The following USP8 variants were observed in gnomAD, a reference collection of about 807,000 sequenced individuals.
The protein encoded by USP8 is ubiquitin specific peptidase 8.
USP8 carries 27 observed loss-of-function variants against 130.0 expected under a neutral mutation model. The observed-to-expected ratio is 0.21, with a 90% confidence interval of 0.15 to 0.29. USP8 has a LOEUF of 0.29. Ranked by LOEUF, USP8 falls within the 10% of genes least tolerant of loss-of-function variation. The pLI is 1.00. For missense variants in USP8, 1,029 were observed against 1,312.2 expected (o/e 0.78, Z 3.33); for synonymous variants, 392 against 444.1 (o/e 0.88, Z 1.48).
intron 16 of USP8, 58 bp from the exon 17 acceptor site, chr15:50,495,790 T>C: frequency 7.4e-7 from 1 of 1,360,210 alleles, no homozygotes; most frequent in Admixed American, 2.1e-5. Context: ...TTTTATTCTT[T>C]CAATTTAAAT....
At chr15:50,428,016 CCTGA>C (rs376823512) in intron 1 of USP8, among the ~76,000 whole-genome samples, 29 of 152,250 alleles carry the variant, frequency 1.9e-4, no homozygotes, top group African/African-American at 6.5e-4. Context: ...CGCCAGCACA[CCTGA>C]CTAATACCAT....
intron 3 of USP8, among the ~76,000 whole-genome samples, chr15:50,445,171 T>G (rs941592215): frequency 2.6e-5 from 4 of 152,172 alleles, no homozygotes; most frequent in Non-Finnish European, 5.9e-5. Flanking sequence ...TTTTTACCCT[T>G]TAGATGAGGT....
At chr15:50,482,197 C>CCTG in intron 11 of USP8, 132 bp downstream of exon 11, 2 of 770,094 alleles carry the variant, frequency 2.6e-6, no homozygotes. Flanking sequence ...ATGTACTGAT[C>CCTG]TATCCACATT....
chr15:50,457,051 A>G (rs1566855646), intron 4 of USP8, among the ~76,000 whole-genome samples: 2 of 152,212 alleles, frequency 1.3e-5, no homozygotes, highest in Admixed American at 6.5e-5. Flanking sequence ...TGCATGAATG[A>G]TCTTATTGAT....
At chr15:50,496,480 TAAAAAAA>T (rs35899607) in intron 17 of USP8, among the ~76,000 whole-genome samples, 3 of 116,502 alleles carry the variant, frequency 2.6e-5, no homozygotes, top group South Asian at 2.9e-4. Flanking sequence ...GACTCCGTCT[TAAAAAAA>T]AAAAAAAAAA....
intron 4 of USP8, among the ~76,000 whole-genome samples, chr15:50,449,817 C>G (rs112089161): frequency 0.15 from 21,587 of 148,732 alleles, 1,982 homozygotes; most frequent in Middle Eastern, 0.28. Context: ...TCCTGACCTT[C>G]TGATCCTCCT....
At chr15:50,467,417 G>T (rs2051229009) in intron 7 of USP8, among the ~76,000 whole-genome samples, 1 of 152,118 alleles carries the variant, frequency 6.6e-6, no homozygotes, top group African/African-American at 2.4e-5. Flanking sequence ...TTAGTTTAAA[G>T]GAGTTTCAGT....
At position 50,500,749 on chromosome 15, in the gene USP8, C is replaced by A. The variant is rs778812970; in HGVS notation, c.*1661C>A. ...AGAAGTATCTGGAATCTCACTGACT[C>A]GTGTGTTATCAAAGCTATATCAGGC... On this transcript the variant is annotated 3_prime_UTR_variant, in exon 20 of 20. Coordinates refer to ENST00000307179, the MANE Select transcript of USP8 (RefSeq NM_005154.5). 1 of 1,574,662 alleles carries A rather than the reference C, an allele frequency of 6.4e-7. No individual in the cohort carries two copies. The highest frequency in any genetic ancestry group is 8.6e-7 in the Non-Finnish European group (1 of 1,158,778).
At position 50,466,927 on chromosome 15, in the gene USP8, T is replaced by C. The variant is rs140221021; in HGVS notation, c.686+1736T>C. 43 of 422,758 alleles carry C rather than the reference T, an allele frequency of 1.0e-4. No individual in the cohort carries two copies. The East Asian group carries it at 2.3e-3, about 22-fold the overall frequency. The allele number at this position is 422,758 out of a possible 1,614,324, so 26.2% of individuals were successfully genotyped here. A position where few individuals can be genotyped will look rare whatever the true frequency, so the allele number is the denominator to read the frequency against. ...CAAATGCCTACTAAGACTTTGAGAA[T>C]CGCTACAAGAAAAACTCCTTTTGGT... On this transcript the variant is annotated intron_variant, in intron 7 of 19. Coordinates refer to ENST00000307179, the MANE Select transcript of USP8 (RefSeq NM_005154.5).
intron 8 of USP8, 112 bp downstream of exon 8, chr15:50,471,907 T>G (rs1257197129): frequency 7.9e-7 from 1 of 1,259,494 alleles, no homozygotes; most frequent in East Asian, 2.4e-5. Flanking sequence ...CATGCCTTTT[T>G]TTTTTTTTTT....
intron 16 of USP8, among the ~76,000 whole-genome samples, chr15:50,495,156 T>C (rs892839328): frequency 6.6e-6 from 1 of 151,926 alleles, no homozygotes; most frequent in Non-Finnish European, 1.5e-5. Context: ...TTGTCTCACA[T>C]ATTTTGGGGT....
At chr15:50,472,564 T>C (rs2051415903) in intron 8 of USP8, among the ~76,000 whole-genome samples, 1 of 142,736 alleles carries the variant, frequency 7.0e-6, no homozygotes, top group African/African-American at 2.7e-5. Flanking sequence ...ACCACTGCAC[T>C]CCAGCCTGGG....
At chr15:50,471,864 CT>C in intron 8 of USP8, 69 bp downstream of exon 8, 1 of 1,453,044 alleles carries the variant, frequency 6.9e-7, no homozygotes, top group Non-Finnish European at 9.5e-7. Flanking sequence ...GGCATGTTAA[CT>C]AGTTGTTTAT....
chr15:50,431,556 A>G (rs959265156), intron 1 of USP8, among the ~76,000 whole-genome samples: 2 of 152,234 alleles, frequency 1.3e-5, no homozygotes, highest in Non-Finnish European at 2.9e-5. Flanking sequence ...AGTGGTGACT[A>G]TGTGAGGACT....
intron 4 of USP8, 136 bp downstream of exon 4, chr15:50,449,621 G>A (rs1400136718): frequency 1.6e-5 from 8 of 502,178 alleles, no homozygotes; most frequent in African/African-American, 6.1e-5. Context: ...GCTGTCTGTC[G>A]CCCATGCTGG....
At chr15:50,436,698 T>A (rs945513615) in intron 1 of USP8, among the ~76,000 whole-genome samples, 1 of 152,018 alleles carries the variant, frequency 6.6e-6, no homozygotes, top group Admixed American at 6.6e-5. Flanking sequence ...TTTGAGACAG[T>A]CTTGTTCTGT....
At chr15:50,484,491 G>C (rs939752415) in intron 12 of USP8, 130 bp downstream of exon 12, 14 of 687,710 alleles carry the variant, frequency 2.0e-5, no homozygotes, top group Non-Finnish European at 3.1e-5. Flanking sequence ...GCCATCTTTG[G>C]TAGCTGGTGT....
intron 10 of USP8, among the ~76,000 whole-genome samples, chr15:50,479,107 G>C (rs947516280): frequency 3.9e-5 from 6 of 152,054 alleles, no homozygotes; most frequent in African/African-American, 1.4e-4. Flanking sequence ...TACAAGAGAT[G>C]GGTTCTTCTG....
chr15:50,437,580 C>G (rs1316425495), intron 1 of USP8, among the ~76,000 whole-genome samples: 1 of 152,124 alleles, frequency 6.6e-6, no homozygotes, highest in African/African-American at 2.4e-5. Context: ...CTTTAATAAC[C>G]TCTGTTTAAC....
Sources: allele counts gnomAD v4.1 joint callset (sites outside exome capture counted in the v4.1 genomes callset), GRCh38; gene constraint gnomAD v4.1.1; transcripts MANE v1.5; gene names NCBI Gene and HGNC (gene_info 2026-07-23, HGNC 2026-07-21).